The following MCMBP variants were observed in gnomAD, a reference collection of about 807,000 sequenced individuals.
MCMBP encodes minichromosome maintenance complex binding protein.
A neutral mutation model predicts 81.3 loss-of-function variants in MCMBP; 31 were observed. The ratio of observed to expected loss-of-function variants is 0.38; its 90% confidence interval spans 0.29 to 0.51. MCMBP has a LOEUF of 0.51. Among genes scored for constraint, MCMBP ranks in the 20% least tolerant of loss-of-function variants. MCMBP has a pLI of 0.87. For missense variants in MCMBP, 645 were observed against 772.1 expected (o/e 0.84, Z 1.95); for synonymous variants, 267 against 275.9 (o/e 0.97, Z 0.32).
intron 1 of MCMBP, among the ~76,000 whole-genome samples, chr10:119,865,233 T>C (rs1853410868): frequency 1.3e-5 from 2 of 152,252 alleles, no homozygotes; most frequent in Admixed American, 1.3e-4. Context: ...TAGGTCTTCT[T>C]GGTGAACTGA....
chr10:119,863,325 A>C (rs1448412659), intron 1 of MCMBP, among the ~76,000 whole-genome samples: 1 of 152,226 alleles, frequency 6.6e-6, no homozygotes, highest in Admixed American at 6.5e-5. Flanking sequence ...TTTTATATAA[A>C]ATATGAGGTA....
At chr10:119,844,078 G>A (rs1333151861) in intron 8 of MCMBP, among the ~76,000 whole-genome samples, 2 of 152,206 alleles carry the variant, frequency 1.3e-5, no homozygotes, top group African/African-American at 4.8e-5. Flanking sequence ...TCGAATACTT[G>A]ACAGCAGATC....
At position 119,831,395 on chromosome 10, in the gene MCMBP, A is replaced by G; in HGVS notation, c.*79T>C. The stretch of plus-strand genomic sequence containing the variant: ...TTGTGATAGAAATTACCTATAAAAC[A>G]ATGTGGTATAAATGAATATCTGAAT... On this transcript the variant is annotated 3_prime_UTR_variant, in exon 16 of 16. Coordinates refer to ENST00000369077, the MANE Select transcript of MCMBP (RefSeq NM_001256378.2). 1 of 1,541,202 alleles carries G rather than the reference A, an allele frequency of 6.5e-7. No individual in the cohort carries two copies. Among genetic ancestry groups the G allele is most frequent in the Non-Finnish European group, 8.9e-7 (1 of 1,127,718 alleles).
In MCMBP at chr10:119,832,037, GATC is replaced by G. The variant is rs1564867522; in HGVS notation, c.1768_1770del (p.Asp590del). The G allele has an allele frequency of 1.2e-6, 2 of 1,612,640 alleles. No individual in the cohort carries two copies. The highest frequency in any genetic ancestry group is 1.7e-6 in the Non-Finnish European group (2 of 1,179,596). On this transcript the variant is annotated inframe_deletion, in exon 15 of 16. Transcript: ENST00000369077. ...CGAGCCACCACGAGCAGCTGGTGAA[GATC>G]ATCAGCAGTGATGCTCTGAGGGTCG...
intron 1 of MCMBP, among the ~76,000 whole-genome samples, chr10:119,870,643 C>CAT (rs1472265252): frequency 6.6e-6 from 1 of 152,138 alleles, no homozygotes; most frequent in Non-Finnish European, 1.5e-5. Context: ...CTGTACAATG[C>CAT]ATATGCATTA....
At chr10:119,873,206 G>A (rs1227974305), upstream of MCMBP, among the ~76,000 whole-genome samples, 1 of 152,144 alleles carries the variant, frequency 6.6e-6, no homozygotes, top group Non-Finnish European at 1.5e-5. Flanking sequence ...GGGCGAAACC[G>A]CCTTGGGAAT....
At chr10:119,840,807 G>T in intron 11 of MCMBP, 36 bp downstream of exon 11, 1 of 1,250,402 alleles carries the variant, frequency 8.0e-7, no homozygotes, top group Non-Finnish European at 1.1e-6. Context: ...TTTTAAGTGT[G>T]CTTAGGTTTA....
At chr10:119,862,651 G>A (rs1476420498) in intron 1 of MCMBP, among the ~76,000 whole-genome samples, 2 of 152,098 alleles carry the variant, frequency 1.3e-5, no homozygotes, top group East Asian at 3.9e-4. Flanking sequence ...TATAAAACAC[G>A]TGTCTGCAGG....
intron 7 of MCMBP, among the ~76,000 whole-genome samples, chr10:119,849,102 A>G (rs1483926508): frequency 2.6e-5 from 4 of 152,168 alleles, no homozygotes; most frequent in Admixed American, 2.6e-4. Context: ...AGATGTCAAC[A>G]TGAAAAAAAT....
intron 8 of MCMBP, among the ~76,000 whole-genome samples, chr10:119,845,673 G>A (rs545495719): frequency 6.6e-6 from 1 of 152,130 alleles, no homozygotes. Flanking sequence ...AAAGTTACCT[G>A]AGTAAGTGGA....
At chr10:119,859,308 ATG>A in intron 2 of MCMBP, 127 bp from the exon 3 acceptor site, 1 of 742,652 alleles carries the variant, frequency 1.3e-6, no homozygotes, top group Non-Finnish European at 2.1e-6. Context: ...ACACACACCC[ATG>A]CCACATCAGA....
At position 119,831,463 on chromosome 10, in the gene MCMBP, G is replaced by A. The variant is rs774053133; in HGVS notation, c.*11C>T. 1.9e-6 allele frequency: 3 copies of A among 1,613,506 alleles called. No individual in the cohort carries two copies. Among genetic ancestry groups the A allele is most frequent in the African/African-American group, 1.3e-5 (1 of 74,868 alleles). On this transcript the variant is annotated 3_prime_UTR_variant, in exon 16 of 16. Coordinates refer to ENST00000369077, the MANE Select transcript of MCMBP (RefSeq NM_001256378.2). Reference sequence around the variant, plus strand: ...ACAGTTTGCCCATTACTCTTCATAGGTATTACATCTTTAAAGTTCATTTCC... The same window carrying A: ...ACAGTTTGCCCATTACTCTTCATAGATATTACATCTTTAAAGTTCATTTCC...
In MCMBP at chr10:119,859,025, A is replaced by G. The variant is rs1188850205; in HGVS notation, c.285+16T>C. The stretch of plus-strand genomic sequence containing the variant: ...CAAAATTAATACCACAAATTCATGA[A>G]AACAGCAATACTTACATGTGCTTTT... On this transcript the variant is annotated intron_variant, in intron 3 of 15. Transcript: ENST00000369077. The G allele has an allele frequency of 1.9e-6, 3 of 1,612,198 alleles. No homozygotes were observed. Among genetic ancestry groups the G allele is most frequent in the Admixed American group, 1.7e-5 (1 of 59,568 alleles).
At chr10:119,838,467 A>C in intron 12 of MCMBP, 68 bp downstream of exon 12, 1 of 1,480,078 alleles carries the variant, frequency 6.8e-7, no homozygotes, top group Admixed American at 1.9e-5. Context: ...CTCTTCTAAA[A>C]GTTATTCCTA....
chr10:119,859,540 G>C (rs191215886), intron 2 of MCMBP, among the ~76,000 whole-genome samples: 1 of 152,020 alleles, frequency 6.6e-6, no homozygotes, highest in Non-Finnish European at 1.5e-5. Context: ...ATAAAACAAA[G>C]GTAACTGACA....
At position 119,870,071 on chromosome 10, in the gene MCMBP, A is replaced by G. The variant is rs1226112707; in HGVS notation, c.58+2456T>C. ...GCTACTGCCCTGGACAGCACACTCT[A>G]GATTATTGTGACACCTAACTTAAAA... On this transcript the variant is annotated intron_variant, in intron 1 of 15. Coordinates refer to ENST00000369077, the MANE Select transcript of MCMBP (RefSeq NM_001256378.2). Among the ~76,000 whole-genome samples the G allele has an allele frequency of 3.3e-5, 5 of 152,262 alleles. No individual in the cohort carries two copies. The East Asian group carries it at 5.8e-4, about 18-fold the overall frequency.
chr10:119,836,763 T>TG, intron 13 of MCMBP, 133 bp downstream of exon 13: 1 of 14,278 alleles, frequency 7.0e-5, no homozygotes, highest in East Asian at 2.9e-3. Context: ...CACAGTTTTT[T>TG]TTTTTTTTTT....
At chr10:119,872,164 C>T (rs1301578189) in intron 1 of MCMBP, among the ~76,000 whole-genome samples, 1 of 152,174 alleles carries the variant, frequency 6.6e-6, no homozygotes, top group Non-Finnish European at 1.5e-5. Context: ...GGGCCCTCCC[C>T]AGGGTTCGAG....
Position 119,852,152 on chromosome 10 carries a change from C to CAA in MCMBP, c.574+896_574+897dup, listed in dbSNP as rs34142128. Among the ~76,000 whole-genome samples the CAA allele has an allele frequency of 4.0e-3, 214 of 53,092 alleles. 18 individuals carry two copies. Among genetic ancestry groups the CAA allele is most frequent in the African/African-American group, 0.013 (142 of 11,134 alleles). The allele number at this position is 53,092 out of a possible 152,430, so 34.8% of individuals were successfully genotyped here. On this transcript the variant is annotated intron_variant, in intron 6 of 15. Coordinates refer to ENST00000369077, the MANE Select transcript of MCMBP (RefSeq NM_001256378.2). The stretch of plus-strand genomic sequence containing the variant: ...CTGCAACAAGAGCGAAACTCTGTCT[C>CAA]AAAAAAAAAAAAAAAAAAAAAAAAA...
Sources: gnomAD v4.1 joint callset for allele counts (sites outside exome capture counted in the v4.1 genomes callset) on GRCh38, gnomAD v4.1.1 for gene constraint, MANE v1.5 for transcripts, NCBI Gene and HGNC (gene_info 2026-07-23, HGNC 2026-07-21) for gene names.